Variants in RUNX2 observed in about 807,000 individuals in gnomAD.
The protein encoded by RUNX2 is RUNX family transcription factor 2.
A neutral mutation model predicts 51.7 loss-of-function variants in RUNX2; 10 were observed. The observed-to-expected ratio is 0.19, with a 90% CI of 0.12 to 0.33. RUNX2 has a LOEUF of 0.33. RUNX2 is among the 10% of genes least tolerant of loss of function. The pLI is 1.00. For synonymous variants in RUNX2, 276 were observed against 273.6 expected (o/e 1.01, Z -0.09); for missense variants, 562 against 691.3 (o/e 0.81, Z 2.10).
intron 2 of RUNX2, among the ~76,000 whole-genome samples, chr6:45,349,194 T>C (rs2150178096): frequency 6.6e-6 from 1 of 152,316 alleles, no homozygotes; most frequent in African/African-American, 2.4e-5. Flanking sequence ...ATCGCTAGTA[T>C]TTCAGTCTAC....
chr6:45,447,389 T>A (rs185994529), intron 5 of RUNX2, among the ~76,000 whole-genome samples: 1 of 152,378 alleles, frequency 6.6e-6, no homozygotes, highest in Admixed American at 6.5e-5. Context: ...CATATCTCTC[T>A]CTTTTGCAAA....
Position 45,416,508 on chromosome 6 carries a change from C to CTTTAA in RUNX2, c.59-6081_59-6077dup, listed in dbSNP as rs367941679. On this transcript the variant is annotated intron_variant, in intron 2 of 8. Transcript: ENST00000647337. ...GAATGGCTGAATTACTACAGGAAAT[C>CTTTAA]TTTAATTTTAGGGTGTTCTTAGAAG... Among the ~76,000 whole-genome samples the CTTTAA allele has an allele frequency of 2.8e-3, 426 of 152,276 alleles. 2 individuals are homozygous for CTTTAA. The highest frequency in any genetic ancestry group is 9.4e-3 in the African/African-American group (389 of 41,558).
intron 7 of RUNX2, among the ~76,000 whole-genome samples, chr6:45,530,657 G>A (rs564933759): frequency 4.6e-5 from 7 of 152,298 alleles, no homozygotes; most frequent in African/African-American, 1.4e-4. Flanking sequence ...GACAAACTGA[G>A]GACTCCCCCA....
chr6:45,328,663 TAAG>T lies in RUNX2; in HGVS notation c.-63_-61del. The stretch of plus-strand genomic sequence containing the variant: ...TTGGGTATGGTTTGTATTTTCAGTT[TAAG>T]GCTGCAAGCAGTATTTACAACAGAG... On this transcript the variant is annotated 5_prime_UTR_variant, in exon 2 of 9. The change abolishes the stop of an existing upstream ORF in the 5' untranslated region. Transcript: ENST00000647337. 6.2e-7 allele frequency: 1 copy of T among 1,611,392 alleles called. No homozygotes were observed. The highest frequency in any genetic ancestry group is 8.5e-7 in the Non-Finnish European group (1 of 1,178,146).
At chr6:45,376,574 T>C (rs1259935353) in intron 2 of RUNX2, among the ~76,000 whole-genome samples, 1 of 152,218 alleles carries the variant, frequency 6.6e-6, no homozygotes, top group African/African-American at 2.4e-5. Flanking sequence ...CAGAAACTGC[T>C]AGTGAAAAGT....
At chr6:45,486,153 C>T (rs1191935019) in intron 5 of RUNX2, among the ~76,000 whole-genome samples, 1 of 152,018 alleles carries the variant, frequency 6.6e-6, no homozygotes, top group East Asian at 1.9e-4. Flanking sequence ...CAGAAAGTAC[C>T]ACTTCCTTAA....
chr6:45,379,723 G>A (rs1298518403), intron 2 of RUNX2, among the ~76,000 whole-genome samples: 1 of 152,072 alleles, frequency 6.6e-6, no homozygotes, highest in Non-Finnish European at 1.5e-5. Flanking sequence ...AAAAGTATCC[G>A]GGCGTGGTGG....
chr6:45,462,129 T>C (rs1487150399), intron 5 of RUNX2, among the ~76,000 whole-genome samples: 2 of 152,198 alleles, frequency 1.3e-5, no homozygotes, highest in African/African-American at 2.4e-5. Flanking sequence ...GAGGTTCCAT[T>C]CCTGACAGTC....
intron 7 of RUNX2, among the ~76,000 whole-genome samples, chr6:45,517,073 C>T (rs1228319216): frequency 3.3e-5 from 5 of 152,032 alleles, no homozygotes; most frequent in Admixed American, 6.6e-5. Flanking sequence ...CTTTCTGATG[C>T]TTTCTGGAGG....
chr6:45,346,053 C>T (rs971961449), intron 2 of RUNX2, among the ~76,000 whole-genome samples: 5 of 152,098 alleles, frequency 3.3e-5, no homozygotes, highest in African/African-American at 4.8e-5. Context: ...AAATCTCAAA[C>T]GACACTATTT....
chr6:45,456,452 T>C (rs917657892), intron 5 of RUNX2, among the ~76,000 whole-genome samples: 2 of 152,226 alleles, frequency 1.3e-5, no homozygotes, highest in Non-Finnish European at 2.9e-5. Flanking sequence ...TTTTCTGATA[T>C]GGTTGCCTGC....
At chr6:45,366,942 A>G (rs1005898125) in intron 2 of RUNX2, among the ~76,000 whole-genome samples, 2 of 152,146 alleles carry the variant, frequency 1.3e-5, no homozygotes, top group Non-Finnish European at 2.9e-5. Context: ...TCTTCTTAAT[A>G]TATCTTTCTA....
intron 2 of RUNX2, among the ~76,000 whole-genome samples, chr6:45,406,765 A>G (rs1005771327): frequency 6.6e-6 from 1 of 152,130 alleles, no homozygotes; most frequent in Non-Finnish European, 1.5e-5. Context: ...ATTTTGTGGG[A>G]AAGGATGTAT....
intron 2 of RUNX2, among the ~76,000 whole-genome samples, chr6:45,363,605 T>G (rs1794636952): frequency 6.6e-6 from 1 of 152,086 alleles, no homozygotes; most frequent in African/African-American, 2.4e-5. Flanking sequence ...TGCTTAGTAT[T>G]TTTAAACATA....
chr6:45,542,501 C>G (rs1003573186), intron 7 of RUNX2, among the ~76,000 whole-genome samples: 1 of 152,252 alleles, frequency 6.6e-6, no homozygotes, highest in East Asian at 1.9e-4. Context: ...CTGTAGGAAG[C>G]CAGCAGGTCC....
At position 45,420,196 on chromosome 6, in the gene RUNX2, G is replaced by A. The variant is rs573222441; in HGVS notation, c.59-2397G>A. Among the ~76,000 whole-genome samples the A allele has an allele frequency of 5.5e-4, 84 of 152,224 alleles. 1 individual carries two copies. The highest frequency in any genetic ancestry group is 8.5e-4 in the Non-Finnish European group (58 of 68,016). Reference sequence around the variant, plus strand: ...TCAGTCCCCCGCGCATCTCTTCAGCGGGGCGATCCCGAGTCACGCAACCAC... The same window carrying A: ...TCAGTCCCCCGCGCATCTCTTCAGCAGGGCGATCCCGAGTCACGCAACCAC... On this transcript the variant is annotated intron_variant, in intron 2 of 8. Transcript: ENST00000647337.
chr6:45,389,282 T>A (rs1797421062), intron 2 of RUNX2, among the ~76,000 whole-genome samples: 1 of 152,222 alleles, frequency 6.6e-6, no homozygotes, highest in African/African-American at 2.4e-5. Flanking sequence ...CCCAATAATC[T>A]TGCCATTGCT....
intron 7 of RUNX2, among the ~76,000 whole-genome samples, chr6:45,526,135 G>A (rs981853398): frequency 7.9e-5 from 12 of 152,300 alleles, no homozygotes; most frequent in African/African-American, 2.2e-4. Context: ...AGATTCTGAT[G>A]AGAAGCAACC....
At position 45,548,938 on chromosome 6, in the gene RUNX2, G is replaced by A. The variant is rs1419325472; in HGVS notation, c.*1633G>A. The A allele has an allele frequency of 1.5e-5, 6 of 392,516 alleles. No individual in the cohort carries two copies. The highest frequency in any genetic ancestry group is 1.2e-4 in the African/African-American group (6 of 48,482). 24.3% of individuals were successfully genotyped at this position (392,516 alleles called of 1,614,324 possible). A position where few individuals can be genotyped will look rare whatever the true frequency, so the allele number is the denominator to read the frequency against. On this transcript the variant is annotated 3_prime_UTR_variant, in exon 9 of 9. Coordinates refer to ENST00000647337, the MANE Select transcript of RUNX2 (RefSeq NM_001024630.4). ...AGTAGGTCCTCTGAAAAGGCAGCAG[G>A]TTCCAGCAGGTAGCTGAGCTGAGAG...
Sources: gnomAD v4.1 joint callset for allele counts (sites outside exome capture counted in the v4.1 genomes callset) on GRCh38, gnomAD v4.1.1 for gene constraint, MANE v1.5 for transcripts, NCBI Gene and HGNC (gene_info 2026-07-23, HGNC 2026-07-21) for gene names.